Variants in WDR70 observed in about 807,000 individuals in gnomAD.
The protein encoded by WDR70 is WD repeat-containing protein 70.
In WDR70, 53 loss-of-function variants were observed where a neutral mutation model predicts 88.6. The observed-to-expected ratio is 0.60, with a 90% CI of 0.48 to 0.75. The LOEUF (loss-of-function observed/expected upper bound fraction) is 0.75. Ranked by LOEUF, WDR70 falls within the 30% of genes least tolerant of loss-of-function variation. The pLI is 0.00. For synonymous variants in WDR70, 280 were observed against 270.0 expected (o/e 1.04, Z -0.36); for missense variants, 610 against 823.2 (o/e 0.74, Z 3.17).
chr5:37,709,863 A>C (rs555195855), intron 13 of WDR70, among the ~76,000 whole-genome samples: 1 of 152,236 alleles, frequency 6.6e-6, no homozygotes, highest in East Asian at 1.9e-4. Context: ...TTTTTGGGGA[A>C]TTTCCTAAAG....
chr5:37,710,708 G>T (rs1030535744), intron 13 of WDR70, among the ~76,000 whole-genome samples: 10 of 152,138 alleles, frequency 6.6e-5, no homozygotes, highest in African/African-American at 2.2e-4. Context: ...GTGCCAAGCT[G>T]TATTACAGCC....
intron 6 of WDR70, 131 bp downstream of exon 6, chr5:37,438,112 G>T (rs1750534456): frequency 1.6e-6 from 1 of 623,664 alleles, no homozygotes; most frequent in Non-Finnish European, 2.4e-6. Flanking sequence ...TAGACATTAA[G>T]GAAAAATAGA....
chr5:37,443,921 G>A (rs977098429), intron 7 of WDR70, among the ~76,000 whole-genome samples: 9 of 151,946 alleles, frequency 5.9e-5, no homozygotes, highest in African/African-American at 2.2e-4. Flanking sequence ...GGCCAAGGTG[G>A]GTGGATCACC....
chr5:37,417,843 A>C (rs753441028), intron 5 of WDR70, among the ~76,000 whole-genome samples: 61 of 152,340 alleles, frequency 4.0e-4, no homozygotes, highest in Non-Finnish European at 7.2e-4. Flanking sequence ...CACTGCGCCC[A>C]ATACAAGTTA....
chr5:37,734,357 A>G (rs1748238928), intron 17 of WDR70, among the ~76,000 whole-genome samples: 3 of 152,114 alleles, frequency 2.0e-5, no homozygotes, highest in African/African-American at 2.4e-5. Flanking sequence ...ATAAAATGTG[A>G]TAATGTTTGA....
At chr5:37,718,845 T>C (rs1356430410) in intron 13 of WDR70, among the ~76,000 whole-genome samples, 1 of 152,142 alleles carries the variant, frequency 6.6e-6, no homozygotes, top group Non-Finnish European at 1.5e-5. Context: ...CAAACAAAAC[T>C]GACTGAGATC....
chr5:37,553,943 A>G (rs533471724), intron 9 of WDR70, among the ~76,000 whole-genome samples: 17 of 152,274 alleles, frequency 1.1e-4, no homozygotes, highest in African/African-American at 3.8e-4. Context: ...GCACTCCATA[A>G]AAGTTAGTTG....
chr5:37,721,076 C>G, intron 13 of WDR70, 39 bp from the exon 14 acceptor site: 1 of 1,577,282 alleles, frequency 6.3e-7, no homozygotes, highest in South Asian at 1.1e-5. Flanking sequence ...CCATTTTTAT[C>G]TGGCCTCTTT....
chr5:37,514,216 A>G (rs1740807556), intron 8 of WDR70, among the ~76,000 whole-genome samples: 1 of 149,658 alleles, frequency 6.7e-6, no homozygotes, highest in Non-Finnish European at 1.5e-5. Context: ...ACAGGATCTC[A>G]CTCTGTTGCC....
intron 10 of WDR70, among the ~76,000 whole-genome samples, chr5:37,613,877 A>T (rs1744256977): frequency 6.6e-6 from 1 of 152,210 alleles, no homozygotes; most frequent in African/African-American, 2.4e-5. Context: ...TATGTAGCGT[A>T]ACTGAGGTTC....
At chr5:37,460,724 A>T (rs1330814122) in intron 7 of WDR70, among the ~76,000 whole-genome samples, 1 of 147,948 alleles carries the variant, frequency 6.8e-6, no homozygotes, top group Non-Finnish European at 1.5e-5. Context: ...AATAAAAAAT[A>T]AAAACAAAAA....
intron 5 of WDR70, among the ~76,000 whole-genome samples, chr5:37,416,854 C>T (rs1749772088): frequency 6.6e-6 from 1 of 152,122 alleles, no homozygotes; most frequent in South Asian, 2.1e-4. Flanking sequence ...GGATTACAGG[C>T]GTTAGCCACC....
chr5:37,678,965 G>A (rs568815882), intron 10 of WDR70, among the ~76,000 whole-genome samples: 9 of 151,606 alleles, frequency 5.9e-5, no homozygotes, highest in African/African-American at 9.7e-5. Flanking sequence ...TTCCCTTCTC[G>A]CTTCATTTCA....
At chr5:37,525,561 A>C (rs182518113) in intron 9 of WDR70, among the ~76,000 whole-genome samples, 72 of 152,318 alleles carry the variant, frequency 4.7e-4, no homozygotes, top group Middle Eastern at 3.4e-3. Flanking sequence ...TAACATTACA[A>C]TTAAAAGAGC....
chr5:37,672,100 G>GT (rs1746042237), intron 10 of WDR70, among the ~76,000 whole-genome samples: 1 of 152,118 alleles, frequency 6.6e-6, no homozygotes, highest in Non-Finnish European at 1.5e-5. Flanking sequence ...GATGTGCCTT[G>GT]TTAACAATAT....
intron 10 of WDR70, among the ~76,000 whole-genome samples, chr5:37,694,098 T>C (rs966425961): frequency 6.6e-6 from 1 of 152,138 alleles, no homozygotes; most frequent in African/African-American, 2.4e-5. Flanking sequence ...CATGAAAAAA[T>C]GCTCATCGTC....
chr5:37,439,799 T>C (rs1750597514), intron 6 of WDR70, among the ~76,000 whole-genome samples: 1 of 152,058 alleles, frequency 6.6e-6, no homozygotes, highest in South Asian at 2.1e-4. Context: ...ACTTTACATT[T>C]TAGTCCCCCC....
intron 17 of WDR70, among the ~76,000 whole-genome samples, chr5:37,748,631 TAGAG>T (rs1188740774): frequency 2.6e-5 from 4 of 152,218 alleles, no homozygotes; most frequent in South Asian, 2.1e-4. Context: ...TAATTAAACT[TAGAG>T]AGCTTCTGCA....
chr5:37,540,048 ATTAAG>A (rs1464646910), intron 9 of WDR70, among the ~76,000 whole-genome samples: 3 of 152,192 alleles, frequency 2.0e-5, no homozygotes, highest in African/African-American at 2.4e-5. Context: ...ACTGCTTTAT[ATTAAG>A]TTGTTATCAG....
Sources: gnomAD v4.1 joint callset for allele counts (sites outside exome capture counted in the v4.1 genomes callset) on GRCh38, gnomAD v4.1.1 for gene constraint, MANE v1.5 for transcripts, NCBI Gene and HGNC (gene_info 2026-07-23, HGNC 2026-07-21) for gene names.